TBC1D19: variants seen among roughly 807,000 people sequenced by gnomAD.
TBC1D19 encodes TBC1 domain family, member 19.
A neutral mutation model predicts 89.0 loss-of-function variants in TBC1D19; 60 were observed. The ratio of observed to expected loss-of-function variants is 0.67; its 90% CI spans 0.55 to 0.84. TBC1D19 has a LOEUF of 0.84. TBC1D19 is among the 40% of genes least tolerant of loss of function. The pLI is 0.00. For synonymous variants in TBC1D19, 189 were observed against 199.7 expected (o/e 0.95, Z 0.45); for missense variants, 500 against 610.8 (o/e 0.82, Z 1.91).
intron 12 of TBC1D19, among the ~76,000 whole-genome samples, chr4:26,687,859 T>C (rs1713951883): frequency 6.6e-6 from 1 of 152,106 alleles, no homozygotes; most frequent in African/African-American, 2.4e-5. Context: ...GCCCTTAAAC[T>C]CATAATACAG....
the TBC1D19 span, among the ~76,000 whole-genome samples, chr4:26,830,121 A>C: frequency 1.3e-5 from 2 of 152,220 alleles, no homozygotes; most frequent in Non-Finnish European, 2.9e-5. Flanking sequence ...AGCCTACCAG[A>C]GCCATACTCA....
intron 1 of TBC1D19, among the ~76,000 whole-genome samples, chr4:26,604,409 C>T (rs1365359419): frequency 1.3e-5 from 2 of 151,082 alleles, no homozygotes; most frequent in African/African-American, 2.4e-5. Flanking sequence ...GCCTCGGCCT[C>T]CCGAAGTGCT....
At chr4:26,786,745 G>GTGGATGCCTGGATGGATGGATGGA in the TBC1D19 span, among the ~76,000 whole-genome samples, 1 of 49,440 alleles carries the variant, frequency 2.0e-5, no homozygotes, top group South Asian at 8.9e-4. Flanking sequence ...GGGTGGGTGG[G>GTGGATGCCTGGATGGATGGATGGA]TGGATGCCTG....
At chr4:26,796,188 T>C in the TBC1D19 span, among the ~76,000 whole-genome samples, 1 of 152,352 alleles carries the variant, frequency 6.6e-6, no homozygotes, top group Admixed American at 6.5e-5. Context: ...TTCCAAAATA[T>C]GTACTTTTTC....
At position 26,666,353 on chromosome 4, in the gene TBC1D19, T is replaced by C; in HGVS notation, c.612T>C (p.Leu204=). The C allele has an allele frequency of 6.2e-7, 1 of 1,611,112 alleles. No homozygotes were observed. The highest frequency in any genetic ancestry group is 1.1e-5 in the South Asian group (1 of 90,646). The part of the protein sequence containing the change: ...IPELKECFVE[L]GLNIGQLGID... ...TTCAGAAAGAATGCTTTGTGGAACT[T>C]GGCTTAAATATAGGACAACTGGGTA... The change falls in exon 9 of 21, where the codon CTT becomes CTC. Residue 204 remains leucine (L), a synonymous_variant. Coordinates refer to ENST00000264866, the MANE Select transcript of TBC1D19 (RefSeq NM_018317.4).
chr4:26,734,962 GTA>G (rs1279653447), intron 15 of TBC1D19, among the ~76,000 whole-genome samples: 2 of 149,642 alleles, frequency 1.3e-5, no homozygotes, highest in African/African-American at 2.5e-5. Flanking sequence ...ATATGTATAT[GTA>G]TATATGTATA....
the TBC1D19 span, among the ~76,000 whole-genome samples, chr4:26,805,294 G>C: frequency 6.6e-6 from 1 of 152,204 alleles, no homozygotes; most frequent in East Asian, 1.9e-4. Flanking sequence ...TCTGGGATGA[G>C]GCCCAGGAAT....
At chr4:26,692,725 C>G (rs1176276429) in intron 13 of TBC1D19, among the ~76,000 whole-genome samples, 2 of 152,048 alleles carry the variant, frequency 1.3e-5, no homozygotes, top group Non-Finnish European at 2.9e-5. Flanking sequence ...CCAGAGAAAG[C>G]CAGAGACAGA....
the TBC1D19 span, among the ~76,000 whole-genome samples, chr4:26,763,190 C>T: frequency 6.6e-6 from 1 of 152,134 alleles, no homozygotes. Context: ...AAATAAAATT[C>T]TAAGACCTCC....
the TBC1D19 span, among the ~76,000 whole-genome samples, chr4:26,770,075 AC>A: frequency 4.2e-4 from 64 of 151,948 alleles, no homozygotes; most frequent in African/African-American, 1.4e-3. Context: ...GAAAAAAAAA[AC>A]AACATGGTAG....
the TBC1D19 span, among the ~76,000 whole-genome samples, chr4:26,842,587 T>TCCCTCCCTTC: frequency 2.9e-5 from 1 of 34,132 alleles, no homozygotes; most frequent in Non-Finnish European, 6.1e-5. Context: ...TCCCTCCCTT[T>TCCCTCCCTTC]CTTTCTTTCT....
the TBC1D19 span, among the ~76,000 whole-genome samples, chr4:26,776,207 A>C: frequency 2.0e-5 from 3 of 152,330 alleles, no homozygotes; most frequent in African/African-American, 7.2e-5. Context: ...CATTGTTATT[A>C]GGCCTTTTCA....
At chr4:26,800,606 G>C in the TBC1D19 span, among the ~76,000 whole-genome samples, 2 of 152,160 alleles carry the variant, frequency 1.3e-5, no homozygotes, top group East Asian at 1.9e-4. Flanking sequence ...GGTTGAACTA[G>C]TTTACAGTCC....
chr4:26,673,446 T>TATATATATATATACACACAC (rs373807642), intron 10 of TBC1D19, among the ~76,000 whole-genome samples: 15 of 90,872 alleles, frequency 1.7e-4, no homozygotes, highest in African/African-American at 3.8e-4. Context: ...TATATATATA[T>TATATATATATATACACACAC]ACACACACAC....
chr4:26,590,796 G>GTTTTTTTTTTTTTTTTTTTTTTTTTTTT lies in TBC1D19; in HGVS notation c.99+6508_99+6535dup, dbSNP rs869124166. Among the ~76,000 whole-genome samples the GTTTTTTTTTTTTTTTTTTTTTTTTTTTT allele has an allele frequency of 3.4e-4, 18 of 52,956 alleles. 1 individual carries two copies. Among genetic ancestry groups the GTTTTTTTTTTTTTTTTTTTTTTTTTTTT allele is most frequent in the Admixed American group, 1.0e-3 (3 of 2,972 alleles). 34.7% of individuals were successfully genotyped at this position (52,956 alleles called of 152,430 possible). On this transcript the variant is annotated intron_variant, in intron 1 of 20. Transcript: ENST00000264866. ...GGTTCACTCTTTGTCTTGCAGGTCTGTTTTTTTTTTTTTTTTTTTTTTTTT... is the reference window on the plus strand; with the variant it reads ...GGTTCACTCTTTGTCTTGCAGGTCTGTTTTTTTTTTTTTTTTTTTTTTTTTTTTTTTTTTTTTTTTTTTTTTTTTTTTT...
the TBC1D19 span, among the ~76,000 whole-genome samples, chr4:26,833,846 C>T: frequency 6.6e-6 from 1 of 152,196 alleles, no homozygotes; most frequent in Non-Finnish European, 1.5e-5. Flanking sequence ...AGAGCTGTGG[C>T]TATATGTTGG....
intron 6 of TBC1D19, 151 bp from the exon 7 acceptor site, chr4:26,639,990 G>A (rs1029658247): frequency 1.9e-5 from 9 of 482,576 alleles, no homozygotes; most frequent in Admixed American, 1.2e-4. Context: ...TCATTTTAAT[G>A]TTCTCTGTAC....
At chr4:26,699,564 A>G (rs980816376) in intron 13 of TBC1D19, among the ~76,000 whole-genome samples, 4 of 152,182 alleles carry the variant, frequency 2.6e-5, no homozygotes, top group Admixed American at 6.5e-5. Flanking sequence ...ACATGCACAC[A>G]TATGTTTATT....
intron 13 of TBC1D19, among the ~76,000 whole-genome samples, chr4:26,703,829 C>T (rs917580672): frequency 8.6e-4 from 130 of 151,248 alleles, no homozygotes; most frequent in African/African-American, 3.0e-3. Context: ...GGCGTGGTGG[C>T]GGGCGCCTGT....
Sources: gnomAD v4.1 joint callset for allele counts (sites outside exome capture counted in the v4.1 genomes callset) on GRCh38, gnomAD v4.1.1 for gene constraint, MANE v1.5 for transcripts, NCBI Gene and HGNC (gene_info 2026-07-23, HGNC 2026-07-21) for gene names.